Variants in MACROD1 observed in about 807,000 individuals in gnomAD.
MACROD1 encodes ADP-ribose glycohydrolase MACROD1.
MACROD1 carries 31 observed loss-of-function variants against 41.4 expected under a neutral mutation model. That is an observed-to-expected ratio of 0.75 (90% CI 0.56 to 1.01). The LOEUF is 1.01. MACROD1 is among the 50% of genes least tolerant of loss of function. MACROD1 has a pLI of 0.00. For missense variants in MACROD1, 473 were observed against 460.0 expected (o/e 1.03, Z -0.26); for synonymous variants, 252 against 203.4 (o/e 1.24, Z -2.03).
chr11:64,144,324 C>T (rs1473656460), intron 3 of MACROD1, among the ~76,000 whole-genome samples: 1 of 152,202 alleles, frequency 6.6e-6, no homozygotes, highest in African/African-American at 2.4e-5. Flanking sequence ...CTTTTCCATT[C>T]ACATGTGTTA....
rs763578691 is a variant in MACROD1 at position 64,118,090 on chromosome 11, A to C, written c.517+33149T>G. The stretch of plus-strand genomic sequence containing the variant: ...TATATGGAGTCAGGGACCAAGAAGG[A>C]TAACTCCATCCTGGAAATCCGCGGC... On this transcript the variant is annotated intron_variant, in intron 3 of 10. Transcript: ENST00000255681. 1.6e-5 allele frequency: 25 copies of C among 1,611,844 alleles called. 1 individual carries two copies. The South Asian group carries it at 2.5e-4, about 16-fold the overall frequency.
intron 4 of MACROD1, among the ~76,000 whole-genome samples, chr11:64,013,281 G>T (rs1369954664): frequency 6.6e-6 from 1 of 152,182 alleles, no homozygotes; most frequent in African/African-American, 2.4e-5. Flanking sequence ...GGGGCCGGGG[G>T]AGTGCCAGCA....
chr11:64,107,964 C>T (rs926781855), intron 3 of MACROD1, among the ~76,000 whole-genome samples: 2 of 152,170 alleles, frequency 1.3e-5, no homozygotes, highest in Non-Finnish European at 2.9e-5. Context: ...ATTCTGAATA[C>T]GACTCTGCTA....
chr11:64,037,077 G>A (rs1943396147), intron 3 of MACROD1, among the ~76,000 whole-genome samples: 1 of 151,956 alleles, frequency 6.6e-6, no homozygotes, highest in African/African-American at 2.4e-5. Flanking sequence ...CCCAGCTGGG[G>A]TGTGCCAGGC....
chr11:64,158,411 T>A (rs186768264), intron 1 of MACROD1, among the ~76,000 whole-genome samples: 90 of 152,256 alleles, frequency 5.9e-4, no homozygotes, highest in Admixed American at 1.2e-3. Flanking sequence ...TTTCTTTTTT[T>A]AATTTTATTT....
At chr11:64,117,402 T>C (rs746172656) in intron 3 of MACROD1, 2 of 1,612,166 alleles carry the variant, frequency 1.2e-6, no homozygotes, top group Non-Finnish European at 1.7e-6. Flanking sequence ...GGACGAGTGT[T>C]TTGAGACGGG....
chr11:64,132,284 G>A (rs774182319), intron 3 of MACROD1, among the ~76,000 whole-genome samples: 4 of 152,212 alleles, frequency 2.6e-5, no homozygotes, highest in East Asian at 3.9e-4. Context: ...GGAGGCTCCC[G>A]GGGCTTATCT....
intron 4 of MACROD1, among the ~76,000 whole-genome samples, chr11:64,012,642 G>T (rs902130665): frequency 6.6e-6 from 1 of 152,044 alleles, no homozygotes; most frequent in East Asian, 1.9e-4. Flanking sequence ...CTCGTGATCT[G>T]CCCACTTCAG....
At chr11:64,030,629 T>TA (rs796489884) in intron 3 of MACROD1, among the ~76,000 whole-genome samples, 90 of 152,240 alleles carry the variant, frequency 5.9e-4, no homozygotes, top group African/African-American at 1.9e-3. Flanking sequence ...ACCCGGATCT[T>TA]AGAGATGTGG....
At position 64,096,489 on chromosome 11, in the gene MACROD1, C is replaced by G. The variant is rs141967392; in HGVS notation, c.517+54750G>C. Among the ~76,000 whole-genome samples, 796 of 152,042 alleles carry G rather than the reference C, an allele frequency of 5.2e-3. 9 individuals carry two copies. Among genetic ancestry groups the G allele is most frequent in the African/African-American group, 0.018 (764 of 41,480 alleles). On this transcript the variant is annotated intron_variant, in intron 3 of 10. Coordinates refer to ENST00000255681, the MANE Select transcript of MACROD1 (RefSeq NM_014067.4). This position sits in a 1 kb window ranked among gnomAD's most constrained non-coding sequence, Gnocchi z 4.6. Reference sequence around the variant, plus strand: ...GAAGTGCAGTGGTATGATCTCGGCTCACTGCAACCTCCGCCTTCCGGGTTC... The same window carrying G: ...GAAGTGCAGTGGTATGATCTCGGCTGACTGCAACCTCCGCCTTCCGGGTTC...
intron 3 of MACROD1, among the ~76,000 whole-genome samples, chr11:64,021,520 G>A (rs994641086): frequency 2.0e-5 from 3 of 152,206 alleles, no homozygotes; most frequent in African/African-American, 4.8e-5. Context: ...GAGGCTGGGC[G>A]AGCAGGCACA....
chr11:64,131,407 G>C (rs557624436), intron 3 of MACROD1, among the ~76,000 whole-genome samples: 43 of 152,266 alleles, frequency 2.8e-4, no homozygotes, highest in African/African-American at 6.5e-4. Context: ...GATCTCGGCA[G>C]CTTCCGCCTC....
chr11:64,137,252 G>A lies in MACROD1; in HGVS notation c.517+13987C>T, dbSNP rs550627947. Among the ~76,000 whole-genome samples the A allele has an allele frequency of 1.4e-4, 21 of 152,286 alleles. No individual in the cohort carries two copies. In the East Asian group the frequency reaches 3.7e-3, roughly 27 times the overall value. ...GCCGTGAGCACGACACAGGGGAGTC[G>A]ACAGTGACAAATAGGAGGGCAGCGG... On this transcript the variant is annotated intron_variant, in intron 3 of 10. Transcript: ENST00000255681.
At chr11:64,046,307 C>T (rs1943582815) in intron 3 of MACROD1, among the ~76,000 whole-genome samples, 1 of 152,196 alleles carries the variant, frequency 6.6e-6, no homozygotes, top group Non-Finnish European at 1.5e-5. Context: ...AACTTAGTTG[C>T]TACTAGAGCC....
intron 3 of MACROD1, among the ~76,000 whole-genome samples, chr11:64,022,930 C>G (rs1943177554): frequency 7.1e-6 from 1 of 140,832 alleles, no homozygotes; most frequent in Non-Finnish European, 1.5e-5. Context: ...AGTGCGATCT[C>G]AGCTCACTGC....
chr11:64,064,572 C>T lies in MACROD1; in HGVS notation c.518-49291G>A, dbSNP rs538941771. Among the ~76,000 whole-genome samples, 76 of 152,098 alleles carry T rather than the reference C, an allele frequency of 5.0e-4. 1 individual carries two copies. The highest frequency in any genetic ancestry group is 1.2e-3 in the African/African-American group (51 of 41,524). ...CCTGAGTCCTGCCTGCTGGCTGACA[C>T]GGAGCTGGCTTTCTTCCCTGGCCCT... On this transcript the variant is annotated intron_variant, in intron 3 of 10. Transcript: ENST00000255681. The surrounding 1 kb of genome is among the most constrained non-coding windows in gnomAD (Gnocchi z 4.5).
rs146221398 is a variant in MACROD1, at chr11:64,059,332, C to T, written c.518-44051G>A. On this transcript the variant is annotated intron_variant, in intron 3 of 10. Coordinates refer to ENST00000255681, the MANE Select transcript of MACROD1 (RefSeq NM_014067.4). ...ACTGAAGGTGGATGCGTGTAGCCAC[C>T]GACATGGGAGGCGTTGCGGGCTTAT... is the stretch of plus-strand genomic sequence containing the variant. 3.2e-3 allele frequency among the ~76,000 whole-genome samples: 486 copies of T among 152,288 alleles called. 3 individuals are homozygous for T. Among genetic ancestry groups the T allele is most frequent in the African/African-American group, 9.0e-3 (375 of 41,568 alleles).
At chr11:64,052,670 A>T (rs1490914997) in intron 3 of MACROD1, among the ~76,000 whole-genome samples, 1 of 152,178 alleles carries the variant, frequency 6.6e-6, no homozygotes, top group Admixed American at 6.5e-5. Flanking sequence ...GGCATCCCTG[A>T]TAGTGTTTTG....
rs577088446 is a variant in MACROD1 at position 64,008,921 on chromosome 11, A to G, written c.547+6331T>C. On this transcript the variant is annotated intron_variant, in intron 4 of 10. Coordinates refer to ENST00000255681, the MANE Select transcript of MACROD1 (RefSeq NM_014067.4). ...GGGCGCTGGCCAGGCCGGAGTAGAG[A>G]TGGCGGCCACGCAGCCAGAGGAAGG... is the stretch of plus-strand genomic sequence containing the variant. 13 of 152,286 alleles carry G rather than the reference A, an allele frequency of 8.5e-5. No homozygotes were observed. In the South Asian group the frequency reaches 2.5e-3, roughly 29 times the overall value. The allele number at this position is 152,286 out of a possible 1,614,324, so 9.4% of individuals were successfully genotyped here.
Sources: allele counts gnomAD v4.1 joint callset (sites outside exome capture counted in the v4.1 genomes callset), GRCh38; gene constraint gnomAD v4.1.1; non-coding constraint Gnocchi (gnomAD v3.1); transcripts MANE v1.5; gene names NCBI Gene and HGNC (gene_info 2026-07-23, HGNC 2026-07-21).